Variants in CFAP61 observed in about 807,000 individuals in gnomAD.
CFAP61 encodes cilia and flagella associated protein 61.
CFAP61 carries 107 observed loss-of-function variants against 135.6 expected under a neutral mutation model. That is an observed-to-expected ratio of 0.79 (90% CI 0.67 to 0.93). CFAP61 has a LOEUF of 0.93. Ranked by LOEUF, CFAP61 falls within the 40% of genes least tolerant of loss-of-function variation. The pLI is 0.00. For synonymous variants in CFAP61, 575 were observed against 578.5 expected (o/e 0.99, Z 0.09); for missense variants, 1,507 against 1,556.2 (o/e 0.97, Z 0.53).
At chr20:20,106,661 A>G (rs1043456306) in intron 8 of CFAP61, among the ~76,000 whole-genome samples, 1 of 152,174 alleles carries the variant, frequency 6.6e-6, no homozygotes, top group Non-Finnish European at 1.5e-5. Context: ...GCCCATATTT[A>G]TGAAGCAGGG....
chr20:20,241,978 G>A (rs929319228), intron 18 of CFAP61, among the ~76,000 whole-genome samples: 27 of 152,114 alleles, frequency 1.8e-4, no homozygotes, highest in Non-Finnish European at 3.2e-4. Context: ...TATCAAATAA[G>A]AATATTCATT....
chr20:20,263,182 A>T (rs1329335489), intron 21 of CFAP61, 52 bp downstream of exon 21: 3 of 1,360,568 alleles, frequency 2.2e-6, no homozygotes, highest in Non-Finnish European at 3.0e-6. Flanking sequence ...TTATTTTTAT[A>T]ATGAGTCTCA....
intron 8 of CFAP61, among the ~76,000 whole-genome samples, chr20:20,134,811 A>G (rs531874285): frequency 6.6e-6 from 1 of 152,308 alleles, no homozygotes; most frequent in East Asian, 1.9e-4. Flanking sequence ...GATGGTAACA[A>G]TCATTTCTGA....
intron 25 of CFAP61, among the ~76,000 whole-genome samples, chr20:20,319,953 A>G (rs2057354107): frequency 6.6e-6 from 1 of 152,126 alleles, no homozygotes; most frequent in African/African-American, 2.4e-5. Flanking sequence ...AGCCAAATTG[A>G]ACCTGAGTCT....
intron 13 of CFAP61, among the ~76,000 whole-genome samples, chr20:20,184,076 TG>T (rs1286349610): frequency 1.3e-5 from 2 of 152,226 alleles, no homozygotes; most frequent in African/African-American, 4.8e-5. Context: ...GAACATTTAT[TG>T]GGCACCACTG....
At chr20:20,355,041 G>GAGGTGGTCACACCGTGAGAGGGA (rs2059020827) in intron 26 of CFAP61, among the ~76,000 whole-genome samples, 2 of 78,332 alleles carry the variant, frequency 2.6e-5, no homozygotes, top group Non-Finnish European at 5.3e-5. Flanking sequence ...ACACTGAGGG[G>GAGGTGGTCACACCGTGAGAGGGA]AGGTGGTCAC....
chr20:20,091,069 G>A, intron 7 of CFAP61, 93 bp downstream of exon 7: 1 of 1,453,982 alleles, frequency 6.9e-7, no homozygotes, highest in Non-Finnish European at 9.5e-7. Flanking sequence ...CCCTGGAGCT[G>A]CCATTGTCTC....
At chr20:20,261,113 C>T (rs1196429333) in intron 20 of CFAP61, among the ~76,000 whole-genome samples, 5 of 152,164 alleles carry the variant, frequency 3.3e-5, no homozygotes, top group Non-Finnish European at 5.9e-5. Flanking sequence ...AATACAATTT[C>T]ACTGCAGCCT....
At chr20:20,183,148 C>A (rs1050097280) in intron 13 of CFAP61, among the ~76,000 whole-genome samples, 2 of 49,522 alleles carry the variant, frequency 4.0e-5, no homozygotes, top group Non-Finnish European at 1.0e-4. Flanking sequence ...ATTTTTTTTT[C>A]TTTTCTTTTC....
intron 25 of CFAP61, among the ~76,000 whole-genome samples, chr20:20,312,837 A>G (rs2056908877): frequency 6.6e-6 from 1 of 152,194 alleles, no homozygotes. Flanking sequence ...GAATGCATTG[A>G]TTATATATTA....
At chr20:20,247,632 AC>A (rs1297997489) in intron 19 of CFAP61, among the ~76,000 whole-genome samples, 8 of 152,260 alleles carry the variant, frequency 5.3e-5, no homozygotes, top group African/African-American at 1.9e-4. Context: ...ATTGGATAGA[AC>A]AGATAAGAAC....
intron 15 of CFAP61, among the ~76,000 whole-genome samples, chr20:20,195,897 G>C (rs952544469): frequency 6.6e-6 from 1 of 152,086 alleles, no homozygotes; most frequent in African/African-American, 2.4e-5. Flanking sequence ...TGGCCAACAT[G>C]GTGAAACCCT....
At chr20:20,257,620 C>CAAAAAAAAAAAA (rs147860452) in intron 20 of CFAP61, among the ~76,000 whole-genome samples, 7 of 57,988 alleles carry the variant, frequency 1.2e-4, no homozygotes, top group Non-Finnish European at 1.7e-4. Context: ...TCAAAAAAAA[C>CAAAAAAAAAAAA]AAAAAAACAA....
intron 13 of CFAP61, among the ~76,000 whole-genome samples, chr20:20,170,787 G>T (rs556776651): frequency 6.6e-6 from 1 of 152,290 alleles, no homozygotes; most frequent in East Asian, 1.9e-4. Flanking sequence ...ACGACTTGAA[G>T]AAATAAAACC....
chr20:20,202,881 T>TCTTA (rs1375809945), intron 17 of CFAP61, among the ~76,000 whole-genome samples: 3 of 152,150 alleles, frequency 2.0e-5, no homozygotes, highest in Non-Finnish European at 2.9e-5. Context: ...ATTTAAAGCA[T>TCTTA]CTTAGAGTGA....
At position 20,269,117 on chromosome 20, in the gene CFAP61, CTATATATATATATA is replaced by C. The variant is rs142189443; in HGVS notation, c.2503+6004_2503+6017del. ...CGCATTGTCTGGTTCTATTCGTGGGCTATATATATATATATATATATATATATATACACACACAC... is the reference window on the plus strand; with the variant it reads ...CGCATTGTCTGGTTCTATTCGTGGGCTATATATATATATATACACACACAC... On this transcript the variant is annotated intron_variant, in intron 21 of 26. Transcript: ENST00000245957. Among the ~76,000 whole-genome samples, 418 of 104,462 alleles carry C rather than the reference CTATATATATATATA, an allele frequency of 4.0e-3. 4 individuals are homozygous for C. The highest frequency in any genetic ancestry group is 5.9e-3 in the Non-Finnish European group (297 of 50,600). The allele number at this position is 104,462 out of a possible 152,430, so 68.5% of individuals were successfully genotyped here. A position where few individuals can be genotyped will look rare whatever the true frequency, so the allele number is the denominator to read the frequency against.
chr20:20,186,663 G>A (rs543101153), intron 13 of CFAP61, among the ~76,000 whole-genome samples: 1 of 152,096 alleles, frequency 6.6e-6, no homozygotes, highest in African/African-American at 2.4e-5. Flanking sequence ...ACATTAAGAT[G>A]GTATTAATTG....
At chr20:20,314,904 T>C (rs922336290) in intron 25 of CFAP61, among the ~76,000 whole-genome samples, 1 of 133,382 alleles carries the variant, frequency 7.5e-6, no homozygotes, top group African/African-American at 3.1e-5. Context: ...CCATGGTGTA[T>C]ATGTGCCACA....
rs566277149 is a variant in CFAP61, at chr20:20,176,051, A to C, written c.1385+6591A>C. On this transcript the variant is annotated intron_variant, in intron 13 of 26. Coordinates refer to ENST00000245957, the MANE Select transcript of CFAP61 (RefSeq NM_015585.4). ...TTAAAAAGTGGGCAAAGGACCATGAACAGACACTTCTCAAAAGAAGACATT... is the reference window on the plus strand; with the variant it reads ...TTAAAAAGTGGGCAAAGGACCATGACCAGACACTTCTCAAAAGAAGACATT... 3.6e-4 allele frequency among the ~76,000 whole-genome samples: 55 copies of C among 152,310 alleles called. No individual in the cohort carries two copies. In the South Asian group the frequency reaches 0.011, roughly 31 times the overall value.
Sources: allele counts gnomAD v4.1 joint callset (sites outside exome capture counted in the v4.1 genomes callset), GRCh38; gene constraint gnomAD v4.1.1; transcripts MANE v1.5; gene names NCBI Gene and HGNC (gene_info 2026-07-23, HGNC 2026-07-21).